Variants in HAUS8 observed in about 807,000 individuals in gnomAD.
HAUS8 encodes HAUS augmin-like complex subunit 8.
HAUS8 carries 38 observed loss-of-function variants against 42.9 expected under a neutral mutation model. That is an observed-to-expected ratio of 0.89 (90% CI 0.68 to 1.16). HAUS8 has a LOEUF of 1.16. HAUS8 is among the 50% of genes most tolerant of loss of function. HAUS8 has a pLI of 0.00. For synonymous variants in HAUS8, 199 were observed against 205.8 expected (o/e 0.97, Z 0.28); for missense variants, 494 against 511.6 (o/e 0.97, Z 0.33).
chr19:17,075,490 G>T (rs969823442), upstream of HAUS8: 3 of 1,576,104 alleles, frequency 1.9e-6, no homozygotes, highest in Non-Finnish European at 1.7e-6. Flanking sequence ...CCTTGCTTGC[G>T]GGTCGGACCA....
intron 10 of HAUS8, among the ~76,000 whole-genome samples, chr19:17,051,240 C>T (rs1334715909): frequency 6.6e-6 from 1 of 152,024 alleles, no homozygotes; most frequent in Non-Finnish European, 1.5e-5. Flanking sequence ...GAAAGAAATG[C>T]CACAGTGGGT....
rs1003368431 is a variant in HAUS8, at chr19:17,053,156, G to A, written c.788-190C>T. 5 of 629,194 alleles carry A rather than the reference G, an allele frequency of 7.9e-6. No homozygotes were observed. The African/African-American group carries it at 9.2e-5, about 12-fold the overall frequency. 39.0% of individuals were successfully genotyped at this position (629,194 alleles called of 1,614,324 possible). A position where few individuals can be genotyped will look rare whatever the true frequency, so the allele number is the denominator to read the frequency against. On this transcript the variant is annotated intron_variant, in intron 9 of 10. Coordinates refer to ENST00000253669, the MANE Select transcript of HAUS8 (RefSeq NM_033417.2). ...TATCCATCCCGTGCTCTGAGATTGT[G>A]GGACAGGCACATCCATCTATCCAGG...
chr19:17,068,952 C>A, intron 3 of HAUS8, 79 bp downstream of exon 3: 1 of 1,325,116 alleles, frequency 7.5e-7, no homozygotes, highest in Non-Finnish European at 1.1e-6. Context: ...GTGACCACCT[C>A]CCATGACTAG....
At chr19:17,053,058 T>A in intron 9 of HAUS8, 92 bp from the exon 10 acceptor site, 2 of 1,485,196 alleles carry the variant, frequency 1.3e-6, no homozygotes, top group South Asian at 2.3e-5. Context: ...TCTGTCATGA[T>A]GCTCGGCTAT....
At chr19:17,065,431 T>C (rs989623471) in intron 3 of HAUS8, among the ~76,000 whole-genome samples, 6 of 152,172 alleles carry the variant, frequency 3.9e-5, no homozygotes, top group Admixed American at 1.3e-4. Flanking sequence ...AAGAAGAATC[T>C]GAACAGACAG....
intron 2 of HAUS8, among the ~76,000 whole-genome samples, chr19:17,072,881 A>C (rs2057436616): frequency 6.7e-6 from 1 of 148,932 alleles, no homozygotes; most frequent in Non-Finnish European, 1.5e-5. Flanking sequence ...TTTGGGAGGC[A>C]GAGGCGGGAG....
intron 10 of HAUS8, chr19:17,052,163 T>C (rs925360879): frequency 4.6e-5 from 7 of 151,568 alleles, no homozygotes; most frequent in African/African-American, 1.7e-4. Flanking sequence ...AAACAAGGTC[T>C]CACCATGTTG....
intron 2 of HAUS8, among the ~76,000 whole-genome samples, chr19:17,071,213 T>C (rs1225187783): frequency 1.3e-5 from 2 of 152,160 alleles, no homozygotes; most frequent in Non-Finnish European, 2.9e-5. Flanking sequence ...ACTTTGACCA[T>C]ATCTTTGTTC....
intron 1 of HAUS8, chr19:17,074,984 T>C (rs867245154): frequency 4.9e-6 from 1 of 204,456 alleles, no homozygotes; most frequent in Non-Finnish European, 1.0e-5. Context: ...GGGGACACTT[T>C]GGTCGCCCAA....
In HAUS8 at chr19:17,054,894, T is replaced by C. The variant is rs555905646; in HGVS notation, c.787+967A>G. ...GAGGTGGGAGGATCTGAGTAGAGCC[T>C]GAGAAGTTGAAGGCTGCAGTGAGCT... On this transcript the variant is annotated intron_variant, in intron 9 of 10. Coordinates refer to ENST00000253669, the MANE Select transcript of HAUS8 (RefSeq NM_033417.2). Among the ~76,000 whole-genome samples the C allele has an allele frequency of 8.8e-5, 13 of 148,018 alleles. No individual in the cohort carries two copies. The East Asian group carries it at 2.7e-3, about 30-fold the overall frequency.
At position 17,073,396 on chromosome 19, in the gene HAUS8, G is replaced by A. The variant is rs2057440541; in HGVS notation, c.30-61C>T. ...CTACCCAAGAAGCACAGGGAAGCCG[G>A]CGAGGTGCCTCTGCTAGTTGAAGCT... On this transcript the variant is annotated intron_variant, in intron 1 of 10. Coordinates refer to ENST00000253669, the MANE Select transcript of HAUS8 (RefSeq NM_033417.2). The A allele has an allele frequency of 9.4e-6, 14 of 1,488,132 alleles. No individual in the cohort carries two copies. The South Asian group carries it at 1.2e-4, about 13-fold the overall frequency. The allele number at this position is 1,488,132 out of a possible 1,614,324, so 92.2% of individuals were successfully genotyped here. A position where few individuals can be genotyped will look rare whatever the true frequency, so the allele number is the denominator to read the frequency against.
chr19:17,050,161 C>G lies in HAUS8; in HGVS notation c.945G>C (p.Val315=), dbSNP rs2057278252. 6.6e-7 allele frequency: 1 copy of G among 1,507,698 alleles called. No homozygotes were observed. The highest frequency in any genetic ancestry group is 1.4e-5 in the African/African-American group (1 of 71,038). 93.4% of individuals were successfully genotyped at this position (1,507,698 alleles called of 1,614,324 possible). Residue 315 remains valine (V), a synonymous_variant, in exon 11 of 11, where the codon GTG becomes GTC. Coordinates refer to ENST00000253669, the MANE Select transcript of HAUS8 (RefSeq NM_033417.2). ...DLELRRSFAQ[V]LELSAEASKE... ...TGCTTGCCTCTGCGGAGAGTTCCAG[C>G]ACCTGGGCAAAGCTCCTGTTGAGGA... is the stretch of plus-strand genomic sequence containing the variant.
chr19:17,053,072 G>A (rs972886007), intron 9 of HAUS8, 106 bp from the exon 10 acceptor site: 45 of 1,367,810 alleles, frequency 3.3e-5, no homozygotes, highest in African/African-American at 4.3e-5. Context: ...CGGCTATCGC[G>A]CTGGAACCGT....
intron 4 of HAUS8, among the ~76,000 whole-genome samples, chr19:17,060,490 C>T (rs1599979787): frequency 6.6e-6 from 1 of 152,216 alleles, no homozygotes; most frequent in South Asian, 2.1e-4. Flanking sequence ...CTCACTGCAA[C>T]CTCCACCTCC....
chr19:17,056,498 A>G (rs2057327227), intron 8 of HAUS8, among the ~76,000 whole-genome samples: 1 of 152,184 alleles, frequency 6.6e-6, no homozygotes, highest in South Asian at 2.1e-4. Context: ...TACTGATAGT[A>G]AACATTCAAT....
chr19:17,061,425 C>T (rs1014988374), intron 4 of HAUS8, among the ~76,000 whole-genome samples: 6 of 152,216 alleles, frequency 3.9e-5, no homozygotes, highest in Non-Finnish European at 7.3e-5. Context: ...GCGTGAGCCA[C>T]CACACCCAGC....
At chr19:17,056,149 G>C in intron 8 of HAUS8, 147 bp from the exon 9 acceptor site, 1 of 775,044 alleles carries the variant, frequency 1.3e-6, no homozygotes, top group Non-Finnish European at 2.1e-6. Context: ...TTCCGAGGGT[G>C]TGGTGAGCTC....
chr19:17,055,685 G>A (rs1170368994), intron 9 of HAUS8, 176 bp downstream of exon 9: 2 of 641,596 alleles, frequency 3.1e-6, no homozygotes, highest in African/African-American at 1.8e-5. Context: ...ATCCCAGTGT[G>A]GTTACTTACT....
At chr19:17,050,295 G>A in intron 10 of HAUS8, 119 bp from the exon 11 acceptor site, 1 of 602,624 alleles carries the variant, frequency 1.7e-6, no homozygotes, top group African/African-American at 1.9e-5. Flanking sequence ...CGTGCTCAGT[G>A]GGAAAGGGCC....
Sources: allele counts gnomAD v4.1 joint callset (sites outside exome capture counted in the v4.1 genomes callset), GRCh38; gene constraint gnomAD v4.1.1; transcripts MANE v1.5; gene names NCBI Gene and HGNC (gene_info 2026-07-23, HGNC 2026-07-21).